Variants in DDX24 observed in about 807,000 individuals in gnomAD.
The protein encoded by DDX24 is ATP-dependent RNA helicase DDX24.
In DDX24, 24 loss-of-function variants were observed where a neutral mutation model predicts 68.9. That is an observed-to-expected ratio of 0.35 (90% CI 0.25 to 0.49). The LOEUF is 0.49. Ranked by LOEUF, DDX24 falls within the 20% of genes least tolerant of loss-of-function variation. The probability of loss-of-function intolerance (pLI) is 0.99; values close to 1 mark genes in which losing one functional copy is unlikely to be tolerated. For missense variants in DDX24, 989 were observed against 1,039.0 expected, an observed-to-expected ratio of 0.95 and a Z score of 0.66; for synonymous variants, 395 against 385.2, an observed-to-expected ratio of 1.03 and a Z score of -0.30.
At chr14:94,054,624 C>T (rs1442876537) in intron 7 of DDX24, among the ~76,000 whole-genome samples, 1 of 152,202 alleles carries the variant, frequency 6.6e-6, no homozygotes, top group Non-Finnish European at 1.5e-5. Flanking sequence ...TTTACTGGCA[C>T]CTGCTCCAGG....
At chr14:94,054,209 C>G (rs1231779383) in intron 7 of DDX24, among the ~76,000 whole-genome samples, 3 of 152,178 alleles carry the variant, frequency 2.0e-5, no homozygotes, top group Non-Finnish European at 4.4e-5. Context: ...CAAGGGAAGC[C>G]TGGGTGGCTC....
chr14:94,066,368 G>A (rs745460978), intron 2 of DDX24, among the ~76,000 whole-genome samples: 10 of 152,214 alleles, frequency 6.6e-5, no homozygotes, highest in Admixed American at 2.6e-4. Context: ...CAGAGCAGGC[G>A]TAGACCTGCC....
chr14:94,055,627 C>T (rs1009090979), intron 6 of DDX24: 8 of 171,080 alleles, frequency 4.7e-5, no homozygotes, highest in Non-Finnish European at 1.0e-4. Flanking sequence ...CTCCACTGGG[C>T]CCAGATAACA....
At chr14:94,074,445 T>C (rs73351203) in intron 2 of DDX24, among the ~76,000 whole-genome samples, 20,029 of 152,180 alleles carry the variant, frequency 0.13, 1,909 homozygotes, top group African/African-American at 0.27. Context: ...ATTCACCACA[T>C]TGGCAGACTA....
chr14:94,051,056 G>A lies in DDX24; in HGVS notation c.*135C>T, dbSNP rs750102270. The A allele has an allele frequency of 2.5e-4, 262 of 1,040,780 alleles. No individual in the cohort carries two copies. Among genetic ancestry groups the A allele is most frequent in the Non-Finnish European group, 3.4e-4 (251 of 737,532 alleles). The allele number at this position is 1,040,780 out of a possible 1,614,324, so 64.5% of individuals were successfully genotyped here. On this transcript the variant is annotated 3_prime_UTR_variant, in exon 9 of 9. Coordinates refer to ENST00000621632, the MANE Select transcript of DDX24 (RefSeq NM_020414.4). Reference sequence around the variant, plus strand: ...TGCAAATCTGCATGAGGTCTCTCCCGCTATGGGTGTGAGTGGAAGAGAGGG... The same window carrying A: ...TGCAAATCTGCATGAGGTCTCTCCCACTATGGGTGTGAGTGGAAGAGAGGG...
Position 94,075,627 on chromosome 14 carries a change from A to G in DDX24, c.718+3398T>C, listed in dbSNP as rs560446413. Among the ~76,000 whole-genome samples the G allele has an allele frequency of 3.9e-5, 6 of 152,338 alleles. No homozygotes were observed. In the South Asian group the frequency reaches 1.0e-3, roughly 26 times the overall value. ...CTTAGATAAAACACCAACGGCACCA[A>G]AAGCATAAATTCATAAAAGACAAGG... On this transcript the variant is annotated intron_variant, in intron 2 of 8. Transcript: ENST00000621632.
At chr14:94,068,366 A>G (rs866728161) in intron 2 of DDX24, among the ~76,000 whole-genome samples, 24 of 152,360 alleles carry the variant, frequency 1.6e-4, no homozygotes, top group Middle Eastern at 3.4e-3. Flanking sequence ...TTACGAAACA[A>G]TTACTAACAG....
At chr14:94,055,406 G>A in intron 6 of DDX24, 2 of 549,678 alleles carry the variant, frequency 3.6e-6, no homozygotes, top group Non-Finnish European at 6.4e-6. Context: ...CCATGCCCCT[G>A]ACCCTGGTTC....
chr14:94,055,572 C>T (rs1010207658), intron 6 of DDX24: 3 of 200,208 alleles, frequency 1.5e-5, no homozygotes, highest in Admixed American at 5.3e-5. Context: ...GCTAACACAC[C>T]CACTGAGCCC....
At position 94,062,343 on chromosome 14, in the gene DDX24, C is replaced by T. The variant is rs1043048133; in HGVS notation, c.997G>A (p.Gly333Ser). 49 of 1,614,096 alleles carry T rather than the reference C, an allele frequency of 3.0e-5. No individual in the cohort carries two copies. Among genetic ancestry groups the T allele is most frequent in the Non-Finnish European group, 3.9e-5 (46 of 1,180,046 alleles). Residue 333 changes from glycine (G) to serine (S), a missense_variant, in exon 3 of 9, where the codon GGT becomes AGT. By Grantham distance (56) the Gly-to-Ser change is moderately conservative (BLOSUM62 0). Transcript: ENST00000621632. Reference sequence around the variant, plus strand: ...GGCCCTTCACCAGCATCATCGTCACCAAAGAGCAACGCCTGGTCTGAGACA... The same window carrying T: ...GGCCCTTCACCAGCATCATCGTCACTAAAGAGCAACGCCTGGTCTGAGACA... ...GTVSDQALLFGDDDAGEGPSS... is the reference protein window; with the variant it reads ...GTVSDQALLFSDDDAGEGPSS...
Position 94,053,027 on chromosome 14 carries a change from T to C in DDX24, c.2279A>G (p.Glu760Gly), listed in dbSNP as rs1371007942. The C allele has an allele frequency of 1.2e-6, 2 of 1,614,132 alleles. No homozygotes were observed. Among genetic ancestry groups the C allele is most frequent in the African/African-American group, 2.7e-5 (2 of 75,048 alleles). Reference protein sequence around the residue: ...SWIEQAAAALEIELEEDMYKG... With the variant: ...SWIEQAAAALGIELEEDMYKG... ...ATACATGTCTTCTTCCAGCTCAATC[T>C]CCAGGGCAGCTGCTGCCTGCTCAAT... Residue 760 changes from glutamate (E) to glycine (G), a missense_variant, in exon 8 of 9, where the codon GAG becomes GGG. Glu to Gly is a moderately conservative substitution (Grantham distance 98, BLOSUM62 -2). This residue lies in a region of DDX24 where 691 missense variants were observed against 760.0 expected (regional missense o/e 0.91). Transcript: ENST00000621632.
At chr14:94,080,706 AAAAC>A (rs759272559) in intron 1 of DDX24, among the ~76,000 whole-genome samples, 305 of 150,528 alleles carry the variant, frequency 2.0e-3, no homozygotes, top group Non-Finnish European at 3.7e-3. Context: ...AAAAAAACAA[AAAAC>A]AAACAAAAAA....
chr14:94,060,213 T>C lies in DDX24; in HGVS notation c.1798A>G (p.Ile600Val), dbSNP rs756038846. 6 of 1,614,086 alleles carry C rather than the reference T, an allele frequency of 3.7e-6. No homozygotes were observed. The highest frequency in any genetic ancestry group is 1.6e-4 in the Middle Eastern group (1 of 6,084). Residue 600 changes from isoleucine (I) to valine (V), a missense_variant, in exon 5 of 9, where the codon ATC (isoleucine) becomes GTC (valine). Physicochemically the swap from Ile to Val is conservative, Grantham distance 29. Transcript: ENST00000621632. Reference protein sequence around the residue: ...SLVFANSISCIKRLSGLLKVL... With the variant: ...SLVFANSISCVKRLSGLLKVL... ...TTGAGGAGCCCAGAGAGGCGTTTGA[T>C]GCAGGAGATACTGTTGGCAAACACT... is the stretch of plus-strand genomic sequence containing the variant.
chr14:94,067,123 G>A (rs1443323493), intron 2 of DDX24, among the ~76,000 whole-genome samples: 1 of 152,004 alleles, frequency 6.6e-6, no homozygotes, highest in Non-Finnish European at 1.5e-5. Flanking sequence ...AATATTAAAG[G>A]AAATACATAA....
chr14:94,058,397 C>T (rs141523873), intron 5 of DDX24, among the ~76,000 whole-genome samples: 35 of 152,306 alleles, frequency 2.3e-4, no homozygotes, highest in African/African-American at 6.7e-4. Flanking sequence ...GCTCAATTCT[C>T]ACTTCATCAG....
In DDX24 at chr14:94,079,385, C is replaced by T. The variant is rs201253447; in HGVS notation, c.358G>A (p.Val120Met). 23 of 1,614,036 alleles carry T rather than the reference C, an allele frequency of 1.4e-5. No homozygotes were observed. The highest frequency in any genetic ancestry group is 4.2e-6 in the Non-Finnish European group (5 of 1,180,016). Reference protein sequence around the residue: ...EGTSTQKEFEVKDPELEAQGD... With the variant: ...EGTSTQKEFEMKDPELEAQGD... ...TGGGCCTCCAGCTCAGGATCTTTCA[C>T]TTCAAATTCTTTCTGGGTACTGGTT... Residue 120 changes from valine to methionine, a missense_variant, in exon 2 of 9, where the codon GTG becomes ATG. Val to Met is a conservative substitution (Grantham distance 21, BLOSUM62 1). This residue lies in a region of DDX24 where 295 missense variants were observed against 263.0 expected (regional missense o/e 1.12). Transcript: ENST00000621632.
chr14:94,051,429 C>T lies in DDX24; in HGVS notation c.2342G>A (p.Arg781Lys), dbSNP rs146354201. The change falls in exon 9 of 9, where the codon AGA becomes AAA. Residue 781 changes from arginine (R) to lysine (K), a missense_variant. Physicochemically the swap from Arg to Lys is conservative, Grantham distance 26 (BLOSUM62 2). Coordinates refer to ENST00000621632, the MANE Select transcript of DDX24 (RefSeq NM_020414.4). ...GKADQQEERR[R>K]QKQMKVLKKE... ...CTTCAGAACCTTCATCTGCTTTTGTCTCCGACGTTCTTCTTGCTGGTCAGC... is the reference window on the plus strand; with the variant it reads ...CTTCAGAACCTTCATCTGCTTTTGTTTCCGACGTTCTTCTTGCTGGTCAGC... The T allele has an allele frequency of 6.4e-7, 1 of 1,572,872 alleles. No individual in the cohort carries two copies. Among genetic ancestry groups the T allele is most frequent in the Non-Finnish European group, 8.6e-7 (1 of 1,161,822 alleles).
At position 94,053,138 on chromosome 14, in the gene DDX24, G is replaced by A; in HGVS notation, c.2179-11C>T. ...TAAACGGATTCGCTCCTGGGGGGAAGTAACAGAAAATATTCATCTGAAATA... is the reference window on the plus strand; with the variant it reads ...TAAACGGATTCGCTCCTGGGGGGAAATAACAGAAAATATTCATCTGAAATA... On this transcript the variant is annotated splice_polypyrimidine_tract_variant and intron_variant, in intron 7 of 8. Transcript: ENST00000621632. 4 of 1,613,880 alleles carry A rather than the reference G, an allele frequency of 2.5e-6. No individual in the cohort carries two copies. The highest frequency in any genetic ancestry group is 1.7e-6 in the Non-Finnish European group (2 of 1,179,960).
chr14:94,070,014 G>A (rs1411178774), intron 2 of DDX24, among the ~76,000 whole-genome samples: 1 of 152,072 alleles, frequency 6.6e-6, no homozygotes, highest in South Asian at 2.1e-4. Flanking sequence ...CCTAGCCAGA[G>A]CAATAAGACA....
Sources: allele counts gnomAD v4.1 joint callset (sites outside exome capture counted in the v4.1 genomes callset), GRCh38; gene constraint gnomAD v4.1.1; regional missense constraint gnomAD v4.1.1; transcripts MANE v1.5; gene names NCBI Gene and HGNC (gene_info 2026-07-23, HGNC 2026-07-21).